Variants in PFKFB3 observed in about 807,000 individuals in gnomAD.
The protein encoded by PFKFB3 is 6-phosphofructo-2-kinase/fructose-2,6-bisphosphatase 3.
Under a neutral mutation model 68.0 loss-of-function variants are expected in PFKFB3, and 33 were observed. The observed-to-expected ratio is 0.49, with a 90% CI of 0.37 to 0.65. The LOEUF (loss-of-function observed/expected upper bound fraction) is 0.65. PFKFB3 is among the 30% of genes least tolerant of loss of function. The pLI is 0.00. For missense variants in PFKFB3, 586 were observed against 712.2 expected (o/e 0.82, Z 2.02); for synonymous variants, 315 against 288.2 (o/e 1.09, Z -0.94).
At chr10:6,218,047 G>C (rs369870172) in intron 6 of PFKFB3, among the ~76,000 whole-genome samples, 1 of 152,208 alleles carries the variant, frequency 6.6e-6, no homozygotes. Context: ...GTTTCAGGAA[G>C]GGCTATTTGA....
chr10:6,170,650 A>G (rs1229031854), intron 1 of PFKFB3, among the ~76,000 whole-genome samples: 1 of 152,188 alleles, frequency 6.6e-6, no homozygotes, highest in Non-Finnish European at 1.5e-5. Flanking sequence ...AGAGGGAGCA[A>G]AAGTAGAGGG....
chr10:6,317,154 A>C, the PFKFB3 span, among the ~76,000 whole-genome samples: 1 of 152,080 alleles, frequency 6.6e-6, no homozygotes, highest in Non-Finnish European at 1.5e-5. Context: ...TTGACTCTCC[A>C]CCTGCACTTC....
intron 1 of PFKFB3, among the ~76,000 whole-genome samples, chr10:6,184,159 C>G (rs1355189168): frequency 1.3e-5 from 2 of 151,394 alleles, no homozygotes; most frequent in African/African-American, 4.9e-5. Context: ...TTCAAGTGAT[C>G]CTTGTGCGTC....
At chr10:6,145,084 C>A in intron 1 of PFKFB3, 1 of 1,220,006 alleles carries the variant, frequency 8.2e-7, no homozygotes, top group South Asian at 2.4e-5. Flanking sequence ...TGTGGGTACC[C>A]GAGCCTTGGG....
At chr10:6,218,124 CTTT>C (rs1347059431) in intron 6 of PFKFB3, among the ~76,000 whole-genome samples, 2 of 152,296 alleles carry the variant, frequency 1.3e-5, no homozygotes, top group African/African-American at 4.8e-5. Flanking sequence ...GGTTTGCCAC[CTTT>C]CTTTGGCTGG....
At chr10:6,260,833 A>G in the PFKFB3 span, among the ~76,000 whole-genome samples, 1 of 152,202 alleles carries the variant, frequency 6.6e-6, no homozygotes, top group Non-Finnish European at 1.5e-5. Flanking sequence ...ACTATTATGA[A>G]TAATGATTCT....
the PFKFB3 span, among the ~76,000 whole-genome samples, chr10:6,305,562 G>A: frequency 2.6e-5 from 4 of 152,100 alleles, no homozygotes; most frequent in African/African-American, 4.8e-5. Flanking sequence ...CTCATTCCTC[G>A]TTCTTGCTTT....
chr10:6,259,320 C>T (rs1016863966), downstream of PFKFB3, among the ~76,000 whole-genome samples: 1 of 150,674 alleles, frequency 6.6e-6, no homozygotes, highest in Non-Finnish European at 1.5e-5. Flanking sequence ...ACCCAACCAT[C>T]CATCCATCCA....
intron 6 of PFKFB3, among the ~76,000 whole-genome samples, chr10:6,218,650 C>G (rs1844752335): frequency 6.6e-6 from 1 of 152,116 alleles, no homozygotes; most frequent in Non-Finnish European, 1.5e-5. Context: ...CCAGGCTGGT[C>G]TCAAACTCCT....
intron 1 of PFKFB3, among the ~76,000 whole-genome samples, chr10:6,189,460 C>A (rs940593925): frequency 6.6e-6 from 1 of 150,524 alleles, no homozygotes; most frequent in African/African-American, 2.4e-5. Flanking sequence ...CAGGGATGCT[C>A]GAGTAGTAGT....
chr10:6,231,720 C>A, intron 14 of PFKFB3: 2 of 386,278 alleles, frequency 5.2e-6, no homozygotes, highest in Non-Finnish European at 3.5e-6. Flanking sequence ...AGAGAATTGC[C>A]CCCTCCCAGT....
the PFKFB3 span, among the ~76,000 whole-genome samples, chr10:6,260,602 T>C: frequency 6.6e-6 from 1 of 152,180 alleles, no homozygotes; most frequent in African/African-American, 2.4e-5. Context: ...TGCTATAGTT[T>C]TCTTTCGCCT....
At chr10:6,267,832 G>A in the PFKFB3 span, among the ~76,000 whole-genome samples, 1 of 151,612 alleles carries the variant, frequency 6.6e-6, no homozygotes, top group Non-Finnish European at 1.5e-5. Context: ...GCGGGCGCCT[G>A]TAGTCCCAGC....
chr10:6,276,846 G>GTGTA, the PFKFB3 span, among the ~76,000 whole-genome samples: 1 of 151,358 alleles, frequency 6.6e-6, no homozygotes, highest in African/African-American at 2.4e-5. Context: ...ATTTGTGTGT[G>GTGTA]TGTGTGTGTG....
chr10:6,289,159 G>A, the PFKFB3 span, among the ~76,000 whole-genome samples: 1 of 135,474 alleles, frequency 7.4e-6, no homozygotes, highest in Admixed American at 7.8e-5. Flanking sequence ...TAGGTTGCCT[G>A]TTCACTCTCA....
the PFKFB3 span, among the ~76,000 whole-genome samples, chr10:6,310,857 A>G: frequency 6.6e-6 from 1 of 152,260 alleles, no homozygotes; most frequent in South Asian, 2.1e-4. Context: ...TGATAGAACT[A>G]TAATCTACAA....
chr10:6,321,076 C>T, the PFKFB3 span, among the ~76,000 whole-genome samples: 9 of 152,160 alleles, frequency 5.9e-5, no homozygotes, highest in African/African-American at 2.2e-4. Context: ...TCATTCTGTA[C>T]AATTTAAATG....
rs1845572087 is a variant in PFKFB3 at position 6,229,249 on chromosome 10, T to A, written c.1515+2884T>A. ...CCAGAGGATGTACCAGTGTCCTCCA[T>A]GTCCACGTTCCTTAAGACCACCCTG... On this transcript the variant is annotated intron_variant, in intron 14 of 14. Transcript: ENST00000379775. The surrounding 1 kb of genome is among the most constrained non-coding windows in gnomAD (Gnocchi z 4.3). The A allele has an allele frequency of 2.1e-6, 1 of 472,192 alleles. No homozygotes were observed. The highest frequency in any genetic ancestry group is 1.5e-5 in the South Asian group (1 of 64,720). The allele number at this position is 472,192 out of a possible 1,614,324, so 29.3% of individuals were successfully genotyped here. A position where few individuals can be genotyped will look rare whatever the true frequency, so the allele number is the denominator to read the frequency against.
chr10:6,155,446 C>T (rs752256625), intron 1 of PFKFB3, among the ~76,000 whole-genome samples: 6 of 152,018 alleles, frequency 3.9e-5, no homozygotes, highest in Non-Finnish European at 7.4e-5. Context: ...CCTCGTGATC[C>T]GCCCGTCTCA....
Sources: gnomAD v4.1 joint callset for allele counts (sites outside exome capture counted in the v4.1 genomes callset) on GRCh38, gnomAD v4.1.1 for gene constraint, Gnocchi (gnomAD v3.1) non-coding constraint, MANE v1.5 for transcripts, NCBI Gene and HGNC (gene_info 2026-07-23, HGNC 2026-07-21) for gene names.